SYNE1: variants seen among roughly 807,000 people sequenced by gnomAD.
The protein encoded by SYNE1 is nesprin-1.
Under a neutral mutation model 1,111.0 loss-of-function variants are expected in SYNE1, and 616 were observed. The observed-to-expected ratio is 0.55, with a 90% CI of 0.52 to 0.59. SYNE1 has a LOEUF of 0.59. SYNE1 is among the 20% of genes least tolerant of loss of function. The pLI, the probability that SYNE1 is intolerant of heterozygous loss-of-function variation, is 0.00. For missense variants in SYNE1, 10,006 were observed against 10,417.0 expected (o/e 0.96, Z 1.72); for synonymous variants, 3,855 against 3,825.8 (o/e 1.01, Z -0.28).
intron 6 of SYNE1, among the ~76,000 whole-genome samples, chr6:152,517,886 T>C (rs1444545019): frequency 6.6e-6 from 1 of 152,032 alleles, no homozygotes; most frequent in Non-Finnish European, 1.5e-5. Context: ...AATGGAGTAG[T>C]AGGGATGAGA....
At chr6:152,631,962 G>T (rs114787301) in intron 2 of SYNE1, among the ~76,000 whole-genome samples, 1 of 152,056 alleles carries the variant, frequency 6.6e-6, no homozygotes, top group Non-Finnish European at 1.5e-5. Context: ...CTGAACAAAT[G>T]GAAATACCTA....
chr6:152,531,254 CTT>C (rs1222225098), intron 4 of SYNE1, among the ~76,000 whole-genome samples: 1 of 151,970 alleles, frequency 6.6e-6, no homozygotes, highest in East Asian at 1.9e-4. Context: ...AAGAATAAAT[CTT>C]TTATTTGTGA....
chr6:152,557,433 A>G (rs920624742), intron 3 of SYNE1, among the ~76,000 whole-genome samples: 1 of 152,172 alleles, frequency 6.6e-6, no homozygotes, highest in Non-Finnish European at 1.5e-5. Context: ...TCCCAAATCT[A>G]GACTGGGAAA....
intron 121 of SYNE1, among the ~76,000 whole-genome samples, chr6:152,215,773 G>T (rs1352116768): frequency 6.6e-6 from 1 of 152,180 alleles, no homozygotes; most frequent in Non-Finnish European, 1.5e-5. Context: ...TCTTTACAAG[G>T]GAGGAAAGGG....
intron 78 of SYNE1, among the ~76,000 whole-genome samples, chr6:152,328,572 AT>A (rs67478287): frequency 1.5e-3 from 215 of 143,444 alleles, no homozygotes; most frequent in Middle Eastern, 3.6e-3. Context: ...AACCCAGCTA[AT>A]TTTTTTTTTT....
intron 25 of SYNE1, chr6:152,453,359 G>A: frequency 1.5e-6 from 1 of 649,144 alleles, no homozygotes; most frequent in Non-Finnish European, 2.6e-6. Flanking sequence ...CAAAAAGAAT[G>A]CTCGAGTAAT....
In SYNE1 at chr6:152,122,497, T is replaced by G. The variant is rs1256878138; in HGVS notation, c.26333A>C (p.Asn8778Thr). 2.5e-6 allele frequency: 4 copies of G among 1,614,160 alleles called. No individual in the cohort carries two copies. Among genetic ancestry groups the G allele is most frequent in the Non-Finnish European group, 3.4e-6 (4 of 1,180,020 alleles). ...SEEDYSCALS[N>T]NFARSFHPML... ...GGGGTGGAATGACCGGGCAAAGTTG[T>G]TGGAGAGGGCACAGCTGTAGTCTTC... The change falls in exon 146 of 146, where the codon AAC becomes ACC. Residue 8778 changes from asparagine to threonine, a missense_variant. Physicochemically the swap from Asn to Thr is moderately conservative, Grantham distance 65. Around this residue, in one of 7 missense-constraint regions of SYNE1, gnomAD observed 761 missense variants for 795.5 expected, o/e 0.96. Transcript: ENST00000367255.
chr6:152,476,867 TAAA>T lies in SYNE1; in HGVS notation c.1351-4457_1351-4455del, dbSNP rs4034729. On this transcript the variant is annotated intron_variant, in intron 14 of 145. Transcript: ENST00000367255. Reference sequence around the variant, plus strand: ...CTCGGCAACAGAGCCAGACCCTATCTAAAAAAAAAAAAAAGAAAAGAAAAGAAA... The same window carrying T: ...CTCGGCAACAGAGCCAGACCCTATCTAAAAAAAAAAAGAAAAGAAAAGAAA... Among the ~76,000 whole-genome samples, 158 of 140,810 alleles carry T rather than the reference TAAA, an allele frequency of 1.1e-3. 1 individual carries two copies. The highest frequency in any genetic ancestry group is 3.4e-3 in the African/African-American group (127 of 37,770). The allele number at this position is 140,810 out of a possible 152,430, so 92.4% of individuals were successfully genotyped here.
intron 130 of SYNE1, among the ~76,000 whole-genome samples, chr6:152,166,719 C>T (rs949361768): frequency 6.6e-6 from 1 of 152,082 alleles, no homozygotes; most frequent in Non-Finnish European, 1.5e-5. Flanking sequence ...TTAGTAAAGT[C>T]GACGGGGGTG....
rs116339775 is a variant in SYNE1 at position 152,532,970 on chromosome 6, C to A, written c.130-6795G>T. Among the ~76,000 whole-genome samples the A allele has an allele frequency of 5.8e-3, 886 of 152,148 alleles. 7 individuals are homozygous for A. The highest frequency in any genetic ancestry group is 0.021 in the African/African-American group (860 of 41,498). Reference sequence around the variant, plus strand: ...GACCTCCCCAAAGGTTGGCAAAGAACCCTCCACAGTATATGTATCAAAATG... The same window carrying A: ...GACCTCCCCAAAGGTTGGCAAAGAAACCTCCACAGTATATGTATCAAAATG... On this transcript the variant is annotated intron_variant, in intron 4 of 145. Coordinates refer to ENST00000367255, the MANE Select transcript of SYNE1 (RefSeq NM_182961.4).
Position 152,206,217 on chromosome 6 carries a change from G to C in SYNE1, c.22970C>G (p.Ala7657Gly). 1 of 1,613,742 alleles carries C rather than the reference G, an allele frequency of 6.2e-7. No homozygotes were observed. The highest frequency in any genetic ancestry group is 1.1e-5 in the South Asian group (1 of 91,044). Residue 7657 changes from alanine (A) to glycine (G), a missense_variant, in exon 126 of 146, where the codon GCC (alanine) becomes GGC (glycine). Ala to Gly is a moderately conservative substitution (Grantham distance 60). Coordinates refer to ENST00000367255, the MANE Select transcript of SYNE1 (RefSeq NM_182961.4). ...CTTCTGTTCTTCCAGCCGCATGCTG[G>C]CTGATTTCCATTTCTCTTGGATTTC... is the stretch of plus-strand genomic sequence containing the variant. ...LAEIQEKWKS[A>G]SMRLEEQKKK...
rs528422979 is a variant in SYNE1, at chr6:152,465,156, G to A, written c.1932+102C>T. On this transcript the variant is annotated intron_variant, in intron 18 of 145. Coordinates refer to ENST00000367255, the MANE Select transcript of SYNE1 (RefSeq NM_182961.4). ...TCAGGCAAAGTCAAGATTCTTGAGT[G>A]ACACTTGTAAATATATGCGACCCCC... The A allele has an allele frequency of 1.1e-5, 15 of 1,314,592 alleles. No homozygotes were observed. The Admixed American group carries it at 1.9e-4, about 17-fold the overall frequency. 81.4% of individuals were successfully genotyped at this position (1,314,592 alleles called of 1,614,324 possible).
chr6:152,234,105 G>T, intron 111 of SYNE1, 142 bp from the exon 112 acceptor site: 1 of 912,704 alleles, frequency 1.1e-6, no homozygotes, highest in Non-Finnish European at 1.7e-6. Context: ...AATGAAAGCA[G>T]TACACCCTTG....
intron 126 of SYNE1, among the ~76,000 whole-genome samples, chr6:152,205,898 C>T (rs1287004937): frequency 6.6e-6 from 1 of 152,178 alleles, no homozygotes; most frequent in African/African-American, 2.4e-5. Context: ...AGGTTTCATA[C>T]TGGTCATTAA....
intron 117 of SYNE1, among the ~76,000 whole-genome samples, chr6:152,223,833 G>A (rs62428335): frequency 0.066 from 10,120 of 152,238 alleles, 461 homozygotes; most frequent in Non-Finnish European, 0.095. Flanking sequence ...GTGTTCTTTA[G>A]CCAAGAAGAA....
chr6:152,253,854 T>TTTTTTTTTTTTTTTTTTTTTTTTTA, intron 104 of SYNE1, among the ~76,000 whole-genome samples: 1 of 120,770 alleles, frequency 8.3e-6, no homozygotes, highest in Non-Finnish European at 1.6e-5. Context: ...TTTTTTTTTT[T>TTTTTTTTTTTTTTTTTTTTTTTTTA]TTTTTTGCAA....
chr6:152,510,646 A>G (rs552399385), intron 7 of SYNE1, among the ~76,000 whole-genome samples: 66 of 152,324 alleles, frequency 4.3e-4, no homozygotes, highest in Non-Finnish European at 7.6e-4. Flanking sequence ...TTCTGAATAG[A>G]ATGGCAAGTT....
At chr6:152,174,216 G>A (rs2065863424) in intron 130 of SYNE1, among the ~76,000 whole-genome samples, 2 of 152,178 alleles carry the variant, frequency 1.3e-5, no homozygotes, top group South Asian at 4.1e-4. Context: ...CCCGGGGGAT[G>A]TTTACCAAAC....
intron 56 of SYNE1, among the ~76,000 whole-genome samples, chr6:152,379,050 A>G (rs1347075055): frequency 6.6e-6 from 1 of 152,238 alleles, no homozygotes; most frequent in Admixed American, 6.5e-5. Context: ...TACTTAAGAC[A>G]GAACATTGTA....
Sources: allele counts gnomAD v4.1 joint callset (sites outside exome capture counted in the v4.1 genomes callset), GRCh38; gene constraint gnomAD v4.1.1; regional missense constraint gnomAD v4.1.1; transcripts MANE v1.5; gene names NCBI Gene and HGNC (gene_info 2026-07-23, HGNC 2026-07-21).